Variants in INSC observed in about 807,000 individuals in gnomAD.
INSC encodes INSC spindle orientation adaptor protein, also known as protein inscuteable homolog.
INSC carries 67 observed loss-of-function variants against 58.6 expected under a neutral mutation model. The observed-to-expected ratio is 1.14, with a 90% confidence interval of 0.94 to 1.40. The LOEUF (loss-of-function observed/expected upper bound fraction) is 1.40. Ranked by LOEUF, INSC falls within the 40% of genes most tolerant of loss-of-function variation. The probability of loss-of-function intolerance (pLI) is 0.00; values close to 1 mark genes in which losing one functional copy is unlikely to be tolerated. For synonymous variants in INSC, 262 were observed against 276.1 expected (o/e 0.95, Z 0.51); for missense variants, 714 against 692.0 (o/e 1.03, Z -0.36).
intron 5 of INSC, chr11:15,188,292 G>A (rs1042328443): frequency 1.0e-6 from 1 of 985,466 alleles, no homozygotes; most frequent in Non-Finnish European, 1.2e-6. Context: ...TAATGAGGCT[G>A]GACAACAGCC....
At chr11:15,245,051 G>C (rs564982664) in intron 12 of INSC, among the ~76,000 whole-genome samples, 1 of 152,184 alleles carries the variant, frequency 6.6e-6, no homozygotes, top group South Asian at 2.1e-4. Flanking sequence ...TGTGTTGTCT[G>C]CTATAGATAC....
chr11:15,203,129 A>G (rs1850660105), intron 7 of INSC, among the ~76,000 whole-genome samples: 1 of 152,220 alleles, frequency 6.6e-6, no homozygotes, highest in Admixed American at 6.5e-5. Context: ...ACTTGCCTAA[A>G]TAACATAGTA....
Position 15,225,502 on chromosome 11 carries a change from C to T in INSC, c.992-148C>T. ...CCACCTGGGTAGACAGATACTGTTG[C>T]CTCTCTAGTAGCCACTTTCCTCATC... On this transcript the variant is annotated intron_variant, in intron 8 of 12. Transcript: ENST00000379556. The T allele has an allele frequency of 4.0e-6, 3 of 742,162 alleles. No individual in the cohort carries two copies. The South Asian group carries it at 5.8e-5, about 14-fold the overall frequency. The allele number at this position is 742,162 out of a possible 1,614,324, so 46.0% of individuals were successfully genotyped here.
intron 2 of INSC, among the ~76,000 whole-genome samples, chr11:15,149,978 AAG>A (rs1437079511): frequency 1.3e-5 from 2 of 152,226 alleles, no homozygotes; most frequent in African/African-American, 4.8e-5. Flanking sequence ...AATTGGGAGG[AAG>A]ACTCCAGACT....
the INSC span, among the ~76,000 whole-genome samples, chr11:15,252,839 T>C: frequency 6.6e-6 from 1 of 152,242 alleles, no homozygotes; most frequent in Non-Finnish European, 1.5e-5. Flanking sequence ...CTGTCTGATA[T>C]GCTACTTTAC....
intron 7 of INSC, among the ~76,000 whole-genome samples, chr11:15,202,548 C>G (rs575536626): frequency 1.2e-4 from 18 of 152,310 alleles, no homozygotes; most frequent in African/African-American, 4.1e-4. Flanking sequence ...TGAGCATCCT[C>G]AACTTCACGT....
intron 1 of INSC, among the ~76,000 whole-genome samples, chr11:15,131,757 G>A (rs186447348): frequency 3.3e-4 from 50 of 152,090 alleles, no homozygotes; most frequent in African/African-American, 1.1e-3. Flanking sequence ...AAATACATTA[G>A]CATCAGATTT....
intron 1 of INSC, among the ~76,000 whole-genome samples, chr11:15,127,120 C>G (rs1317585448): frequency 2.6e-5 from 4 of 152,158 alleles, no homozygotes; most frequent in Non-Finnish European, 5.9e-5. Flanking sequence ...AGCCCCTGCC[C>G]AGCTGGAGAG....
In INSC at chr11:15,225,923, A is replaced by T. The variant is rs532549821; in HGVS notation, c.1170+95A>T. ...TAGTTTCTGAGGCAGGGGAGAGAGCATGGGAGTCCTGTTAGTTTTGCATGC... is the reference window on the plus strand; with the variant it reads ...TAGTTTCTGAGGCAGGGGAGAGAGCTTGGGAGTCCTGTTAGTTTTGCATGC... On this transcript the variant is annotated intron_variant, in intron 9 of 12. Transcript: ENST00000379556. 1.7e-5 allele frequency: 21 copies of T among 1,244,284 alleles called. No individual in the cohort carries two copies. The African/African-American group carries it at 3.0e-4, about 18-fold the overall frequency. The allele number at this position is 1,244,284 out of a possible 1,614,324, so 77.1% of individuals were successfully genotyped here. A position where few individuals can be genotyped will look rare whatever the true frequency, so the allele number is the denominator to read the frequency against.
At chr11:15,114,857 G>C, upstream of INSC, 1 of 833,226 alleles carries the variant, frequency 1.2e-6, no homozygotes, top group Non-Finnish European at 1.4e-6. Context: ...GCGGGCGGGG[G>C]AGAACGGGGC....
chr11:15,115,213 G>A (rs1434775937), intron 1 of INSC, among the ~76,000 whole-genome samples: 3 of 152,240 alleles, frequency 2.0e-5, no homozygotes, highest in African/African-American at 7.2e-5. Context: ...CCCAGGGTGC[G>A]AGTGTGGGTG....
intron 12 of INSC, among the ~76,000 whole-genome samples, chr11:15,242,476 AC>A (rs1852392165): frequency 6.6e-6 from 1 of 151,962 alleles, no homozygotes; most frequent in African/African-American, 2.4e-5. Flanking sequence ...CTTTCATGAA[AC>A]CCCCATGGAA....
intron 5 of INSC, among the ~76,000 whole-genome samples, chr11:15,187,007 T>G (rs1002303024): frequency 2.6e-5 from 4 of 152,310 alleles, no homozygotes; most frequent in Admixed American, 2.0e-4. Context: ...GGCAGATGGC[T>G]TGAAGAGTGC....
chr11:15,261,267 T>A, the INSC span, among the ~76,000 whole-genome samples: 1 of 152,182 alleles, frequency 6.6e-6, no homozygotes, highest in Non-Finnish European at 1.5e-5. Flanking sequence ...TTAGCTTTAG[T>A]TTTTGTGTGC....
intron 7 of INSC, among the ~76,000 whole-genome samples, chr11:15,210,080 G>T (rs775874007): frequency 6.6e-6 from 1 of 152,196 alleles, no homozygotes; most frequent in Non-Finnish European, 1.5e-5. Context: ...GATGAGCTCT[G>T]CAAGTCAGCC....
chr11:15,164,827 G>A (rs1290847630), intron 2 of INSC, among the ~76,000 whole-genome samples: 1 of 152,024 alleles, frequency 6.6e-6, no homozygotes, highest in Non-Finnish European at 1.5e-5. Flanking sequence ...TGAATCATGG[G>A]GGTGGTTTCC....
chr11:15,167,279 C>A (rs941775125), intron 2 of INSC, among the ~76,000 whole-genome samples: 12 of 151,992 alleles, frequency 7.9e-5, no homozygotes, highest in African/African-American at 2.9e-4. Flanking sequence ...CTTCCCTGCC[C>A]TGGACATAAG....
intron 8 of INSC, among the ~76,000 whole-genome samples, chr11:15,223,076 A>G (rs1212570701): frequency 6.6e-6 from 1 of 152,248 alleles, no homozygotes; most frequent in Admixed American, 6.5e-5. Flanking sequence ...AAGGTGTTTG[A>G]GTCTTGTGTC....
At chr11:15,217,358 C>T (rs945553414) in intron 7 of INSC, among the ~76,000 whole-genome samples, 1 of 152,188 alleles carries the variant, frequency 6.6e-6, no homozygotes, top group African/African-American at 2.4e-5. Flanking sequence ...ATTATGGGAA[C>T]TACAGTTCAA....
Sources: allele counts gnomAD v4.1 joint callset (sites outside exome capture counted in the v4.1 genomes callset), GRCh38; gene constraint gnomAD v4.1.1; transcripts MANE v1.5; gene names NCBI Gene and HGNC (gene_info 2026-07-23, HGNC 2026-07-21).